Variants in AK3 observed in about 807,000 individuals in gnomAD.
The protein encoded by AK3 is adenylate kinase 3.
A neutral mutation model predicts 23.7 loss-of-function variants in AK3; 27 were observed. The observed-to-expected ratio is 1.14, with a 90% CI of 0.84 to 1.57. AK3 has a LOEUF of 1.57. Among genes scored for constraint, AK3 ranks in the 40% most tolerant of loss-of-function variants. AK3 has a pLI of 0.00. For missense variants in AK3, 406 were observed against 285.6 expected (o/e 1.42, Z -3.04); for synonymous variants, 159 against 116.0 (o/e 1.37, Z -2.38).
intron 1 of AK3, among the ~76,000 whole-genome samples, chr9:4,724,718 A>G (rs1841981968): frequency 6.6e-6 from 1 of 152,034 alleles, no homozygotes; most frequent in Non-Finnish European, 1.5e-5. Flanking sequence ...GGTCAAGGCT[A>G]CAGTGAGCCA....
upstream of AK3, chr9:4,741,843 CG>C (rs1256436032): frequency 6.6e-6 from 1 of 152,384 alleles, no homozygotes; most frequent in African/African-American, 2.4e-5. Flanking sequence ...CCAGACCCCC[CG>C]CTTCTGCACC....
At chr9:4,741,411 C>T, upstream of AK3, 1 of 253,474 alleles carries the variant, frequency 3.9e-6, no homozygotes, top group Non-Finnish European at 7.4e-6. Flanking sequence ...CGCCTCTCCG[C>T]GGCCCCTCTC....
chr9:4,718,556 G>A lies in AK3; in HGVS notation c.445-19C>T. 6.7e-7 allele frequency: 1 copy of A among 1,497,924 alleles called. No individual in the cohort carries two copies. The highest frequency in any genetic ancestry group is 9.3e-7 in the Non-Finnish European group (1 of 1,078,640). 92.8% of individuals were successfully genotyped at this position (1,497,924 alleles called of 1,614,324 possible). On this transcript the variant is annotated intron_variant, in intron 3 of 4. Transcript: ENST00000381809. The stretch of plus-strand genomic sequence containing the variant: ...CAATGCCCTAAACAGGATTAGAAGA[G>A]ACTAGTATCAGATATCATATTTCTG...
rs755115998 is a variant in AK3 at position 4,711,281 on chromosome 9, T to C, written c.*1695A>G. 3 of 152,692 alleles carry C rather than the reference T, an allele frequency of 2.0e-5. No homozygotes were observed. The highest frequency in any genetic ancestry group is 2.1e-4 in the South Asian group (1 of 4,834). The allele number at this position is 152,692 out of a possible 1,614,324, so 9.5% of individuals were successfully genotyped here. A position where few individuals can be genotyped will look rare whatever the true frequency, so the allele number is the denominator to read the frequency against. ...AAGAACAAAGTAATAGCCACAGTTA[T>C]GAAATTTCATTTTATTCTGATAAAG... On this transcript the variant is annotated 3_prime_UTR_variant, in exon 5 of 5. Coordinates refer to ENST00000381809, the MANE Select transcript of AK3 (RefSeq NM_016282.4).
chr9:4,736,277 C>A (rs1372146314), intron 1 of AK3, among the ~76,000 whole-genome samples: 3 of 151,822 alleles, frequency 2.0e-5, no homozygotes, highest in Non-Finnish European at 4.4e-5. Context: ...ACTCCATATG[C>A]AAAGCAGTAT....
At chr9:4,719,772 A>T (rs1414474145) in intron 2 of AK3, among the ~76,000 whole-genome samples, 1 of 152,138 alleles carries the variant, frequency 6.6e-6, no homozygotes, top group Non-Finnish European at 1.5e-5. Flanking sequence ...TCTTCACCCA[A>T]ATCCAGGGAC....
Position 4,712,844 on chromosome 9 carries a change from A to G in AK3, c.*132T>C. 1 of 1,053,886 alleles carries G rather than the reference A, an allele frequency of 9.5e-7. No homozygotes were observed. The highest frequency in any genetic ancestry group is 1.3e-6 in the Non-Finnish European group (1 of 755,660). 65.3% of individuals were successfully genotyped at this position (1,053,886 alleles called of 1,614,324 possible). ...GGCACATCCTTAGTATCCAAAATAA[A>G]ATCAGTAGAAATAAAAGTAATATAA... On this transcript the variant is annotated 3_prime_UTR_variant, in exon 5 of 5. Coordinates refer to ENST00000381809, the MANE Select transcript of AK3 (RefSeq NM_016282.4).
chr9:4,709,729 T>C lies in AK3; in HGVS notation c.*3247A>G, dbSNP rs548347895. On this transcript the variant is annotated 3_prime_UTR_variant, in exon 5 of 5. Coordinates refer to ENST00000381809, the MANE Select transcript of AK3 (RefSeq NM_016282.4). Reference sequence around the variant, plus strand: ...CTACACTATTTTAACTGTTTAAAAATTTTTTAACCATAACTTCCAAGATGA... The same window carrying C: ...CTACACTATTTTAACTGTTTAAAAACTTTTTAACCATAACTTCCAAGATGA... 1 of 152,226 alleles carries C rather than the reference T, an allele frequency of 6.6e-6. No homozygotes were observed. Among genetic ancestry groups the C allele is most frequent in the East Asian group, 1.9e-4 (1 of 5,202 alleles). The allele number at this position is 152,226 out of a possible 1,614,324, so 9.4% of individuals were successfully genotyped here.
At chr9:4,724,538 G>GA (rs1180566874) in intron 1 of AK3, among the ~76,000 whole-genome samples, 1 of 152,052 alleles carries the variant, frequency 6.6e-6, no homozygotes, top group South Asian at 2.1e-4. Flanking sequence ...AAAGCATCCA[G>GA]AAAAAAAGAA....
At position 4,740,937 on chromosome 9, in the gene AK3, C is replaced by G; in HGVS notation, c.151G>C (p.Glu51Gln). ...LLRDNMLRGT[E>Q]IGVLAKAFID... is the part of the protein sequence containing the mutation. Reference sequence around the variant, plus strand: ...CCGGCCCTGGGCCCAGAGCTCCCACCTGTGCCCCGCAGCATGTTGTCCCGG... The same window carrying G: ...CCGGCCCTGGGCCCAGAGCTCCCACGTGTGCCCCGCAGCATGTTGTCCCGG... Residue 51 changes from glutamate to glutamine, a missense_variant and splice_region_variant, in exon 1 of 5, where the codon GAA becomes CAA. Physicochemically the swap from Glu to Gln is conservative, Grantham distance 29. Transcript: ENST00000381809. The G allele has an allele frequency of 6.4e-7, 1 of 1,563,078 alleles. No individual in the cohort carries two copies. Among genetic ancestry groups the G allele is most frequent in the South Asian group, 1.2e-5 (1 of 85,778 alleles).
chr9:4,728,396 C>A (rs1050516501), intron 1 of AK3, among the ~76,000 whole-genome samples: 1 of 151,954 alleles, frequency 6.6e-6, no homozygotes, highest in African/African-American at 2.4e-5. Context: ...AATGGTGAAA[C>A]CCTGTCTCTA....
chr9:4,736,972 C>G (rs986366628), intron 1 of AK3, among the ~76,000 whole-genome samples: 2 of 152,266 alleles, frequency 1.3e-5, no homozygotes, highest in Admixed American at 6.5e-5. Context: ...GCCACCACAC[C>G]TAGCCAGGGT....
At chr9:4,725,838 G>A (rs1475413678) in intron 1 of AK3, among the ~76,000 whole-genome samples, 2 of 152,138 alleles carry the variant, frequency 1.3e-5, no homozygotes, top group Non-Finnish European at 2.9e-5. Context: ...TTAATCATTA[G>A]GGAAGTCAAA....
At chr9:4,735,434 T>C (rs1175541870) in intron 1 of AK3, among the ~76,000 whole-genome samples, 1 of 130,272 alleles carries the variant, frequency 7.7e-6, no homozygotes, top group Non-Finnish European at 1.6e-5. Flanking sequence ...TAAATATATA[T>C]ATACATATAT....
intron 1 of AK3, among the ~76,000 whole-genome samples, chr9:4,729,154 G>T (rs1208548144): frequency 6.6e-6 from 1 of 151,506 alleles, no homozygotes; most frequent in Non-Finnish European, 1.5e-5. Flanking sequence ...GGGATTACAG[G>T]CATGCGCCAC....
chr9:4,736,758 G>A (rs939195298), intron 1 of AK3, among the ~76,000 whole-genome samples: 2 of 151,534 alleles, frequency 1.3e-5, no homozygotes, highest in African/African-American at 4.9e-5. Flanking sequence ...GCCCACTGCA[G>A]CCTCGAACTC....
rs1841510856 is a variant in AK3 at position 4,710,075 on chromosome 9, G to T, written c.*2901C>A. 1 of 152,190 alleles carries T rather than the reference G, an allele frequency of 6.6e-6. No individual in the cohort carries two copies. The highest frequency in any genetic ancestry group is 1.5e-5 in the Non-Finnish European group (1 of 68,046). The allele number at this position is 152,190 out of a possible 1,614,324, so 9.4% of individuals were successfully genotyped here. A position where few individuals can be genotyped will look rare whatever the true frequency, so the allele number is the denominator to read the frequency against. On this transcript the variant is annotated 3_prime_UTR_variant, in exon 5 of 5. Transcript: ENST00000381809. ...ATTTGAGCCAGTATTTAAACTATTT[G>T]AAATGGAACTGACAGAAATTTCTGG...
intron 1 of AK3, among the ~76,000 whole-genome samples, chr9:4,724,221 C>G (rs1399204499): frequency 1.3e-5 from 2 of 152,178 alleles, no homozygotes; most frequent in African/African-American, 4.8e-5. Flanking sequence ...GACTACTGCT[C>G]TGGGGAGGGA....
intron 1 of AK3, among the ~76,000 whole-genome samples, chr9:4,725,823 C>A (rs2039300): frequency 6.6e-6 from 1 of 151,928 alleles, no homozygotes; most frequent in African/African-American, 2.4e-5. Flanking sequence ...ACATGATCAA[C>A]GTCCTTAATC....
Sources: allele counts gnomAD v4.1 joint callset (sites outside exome capture counted in the v4.1 genomes callset), GRCh38; gene constraint gnomAD v4.1.1; transcripts MANE v1.5; gene names NCBI Gene and HGNC (gene_info 2026-07-23, HGNC 2026-07-21).